Variants in SBF2 observed in about 807,000 individuals in gnomAD.
SBF2 encodes the protein SET binding factor 2.
A neutral mutation model predicts 225.2 loss-of-function variants in SBF2; 112 were observed. The observed-to-expected ratio is 0.50, with a 90% CI of 0.43 to 0.58. SBF2 has a LOEUF of 0.58. Ranked by LOEUF, SBF2 falls within the 20% of genes least tolerant of loss-of-function variation. SBF2 has a pLI of 0.00. For synonymous variants in SBF2, 763 were observed against 773.3 expected (o/e 0.99, Z 0.22); for missense variants, 1,996 against 2,206.2 (o/e 0.90, Z 1.91).
chr11:9,946,267 C>A (rs13377561), intron 16 of SBF2, among the ~76,000 whole-genome samples: 2,621 of 152,190 alleles, frequency 0.017, 59 homozygotes, highest in African/African-American at 0.052. Flanking sequence ...AAAATGAAAT[C>A]ACGTCCTTTG....
At chr11:10,113,146 A>G (rs1952960355) in intron 2 of SBF2, among the ~76,000 whole-genome samples, 1 of 152,080 alleles carries the variant, frequency 6.6e-6, no homozygotes, top group Admixed American at 6.6e-5. Flanking sequence ...GGTGCACACC[A>G]CCACATCTGG....
intron 16 of SBF2, chr11:9,956,471 T>C (rs1454994869): frequency 2.0e-5 from 3 of 152,162 alleles, no homozygotes; most frequent in Non-Finnish European, 4.4e-5. Context: ...CCAGTGAGTG[T>C]AAAAGGCTCT....
intron 2 of SBF2, among the ~76,000 whole-genome samples, chr11:10,084,443 G>A (rs916780384): frequency 2.6e-5 from 4 of 152,094 alleles, no homozygotes; most frequent in African/African-American, 9.7e-5. Context: ...ATGTTGGTGA[G>A]GATACAAAGA....
chr11:9,864,736 T>C (rs1431749174), intron 17 of SBF2, among the ~76,000 whole-genome samples: 1 of 152,134 alleles, frequency 6.6e-6, no homozygotes, highest in African/African-American at 2.4e-5. Context: ...GTGTCTTAAG[T>C]TGTTTAGTAA....
chr11:9,858,454 A>C, intron 17 of SBF2, 58 bp from the exon 18 acceptor site: 2 of 1,532,664 alleles, frequency 1.3e-6, no homozygotes, highest in Non-Finnish European at 1.8e-6. Context: ...ACAGTTCATA[A>C]GGTCACAGGG....
intron 2 of SBF2, among the ~76,000 whole-genome samples, chr11:10,082,655 T>C (rs796674805): frequency 2.0e-5 from 3 of 152,164 alleles, no homozygotes; most frequent in African/African-American, 7.2e-5. Context: ...TCTCAACAGA[T>C]GCAAAAAATC....
chr11:10,225,313 T>C (rs1958497008), intron 1 of SBF2, among the ~76,000 whole-genome samples: 2 of 151,724 alleles, frequency 1.3e-5, no homozygotes, highest in Non-Finnish European at 2.9e-5. Flanking sequence ...CACTTCTTCT[T>C]TAAAAAAAAA....
At chr11:10,149,035 C>T (rs1018791635) in intron 2 of SBF2, among the ~76,000 whole-genome samples, 15 of 152,188 alleles carry the variant, frequency 9.9e-5, no homozygotes, top group African/African-American at 3.6e-4. Flanking sequence ...CTTCTAAGGC[C>T]AAGTTCCAAG....
intron 2 of SBF2, among the ~76,000 whole-genome samples, chr11:10,053,077 G>A (rs1161956957): frequency 6.6e-6 from 1 of 151,878 alleles, no homozygotes; most frequent in Non-Finnish European, 1.5e-5. Context: ...TATGAATCCT[G>A]TTTTTCTCCC....
At chr11:9,937,174 G>C (rs1319839490) in intron 16 of SBF2, among the ~76,000 whole-genome samples, 2 of 152,172 alleles carry the variant, frequency 1.3e-5, no homozygotes, top group Non-Finnish European at 2.9e-5. Context: ...AAAAGGGTTT[G>C]ACACATATTC....
intron 2 of SBF2, among the ~76,000 whole-genome samples, chr11:10,063,041 C>G (rs1381993851): frequency 6.6e-6 from 1 of 152,088 alleles, no homozygotes; most frequent in Non-Finnish European, 1.5e-5. Flanking sequence ...TTTGCCGGAC[C>G]ATGGATGGAG....
intron 2 of SBF2, among the ~76,000 whole-genome samples, chr11:10,108,165 C>A (rs932802974): frequency 6.6e-6 from 1 of 152,010 alleles, no homozygotes; most frequent in East Asian, 1.9e-4. Context: ...AATTCAAACA[C>A]GATAGAACAA....
intron 13 of SBF2, among the ~76,000 whole-genome samples, chr11:9,979,748 A>G (rs1386645865): frequency 1.3e-5 from 2 of 152,158 alleles, no homozygotes; most frequent in Non-Finnish European, 2.9e-5. Context: ...CTAATAATCT[A>G]CAAGTAACAG....
intron 28 of SBF2, among the ~76,000 whole-genome samples, chr11:9,827,418 C>T (rs1855134192): frequency 6.6e-6 from 1 of 151,936 alleles, no homozygotes; most frequent in Admixed American, 6.6e-5. Context: ...AGTCTTAGCT[C>T]CTTGGGAGCT....
intron 3 of SBF2, among the ~76,000 whole-genome samples, chr11:10,041,401 G>T (rs765293203): frequency 6.6e-6 from 1 of 152,096 alleles, no homozygotes; most frequent in Non-Finnish European, 1.5e-5. Context: ...TCAAATAGAA[G>T]CAACAGGCTA....
intron 25 of SBF2, among the ~76,000 whole-genome samples, chr11:9,840,809 G>A (rs770702630): frequency 1.8e-4 from 27 of 152,112 alleles, no homozygotes; most frequent in Non-Finnish European, 3.5e-4. Context: ...AGGATGTGGT[G>A]TACGTGGGAA....
chr11:10,001,833 T>A (rs531654848), intron 7 of SBF2, among the ~76,000 whole-genome samples: 149 of 152,234 alleles, frequency 9.8e-4, no homozygotes, highest in African/African-American at 3.1e-3. Context: ...GCCAAAAAAA[T>A]TTTTTTAAAG....
chr11:10,041,047 T>C (rs768360421), intron 3 of SBF2, among the ~76,000 whole-genome samples: 1 of 152,016 alleles, frequency 6.6e-6, no homozygotes, highest in Non-Finnish European at 1.5e-5. Flanking sequence ...GGGTGAATAG[T>C]GAAGAGGGAG....
chr11:10,098,074 C>T (rs1952106321), intron 2 of SBF2, among the ~76,000 whole-genome samples: 1 of 152,092 alleles, frequency 6.6e-6, no homozygotes, highest in Non-Finnish European at 1.5e-5. Flanking sequence ...ACCTATGGTC[C>T]CATCTGCCAA....
Sources: gnomAD v4.1 joint callset for allele counts (sites outside exome capture counted in the v4.1 genomes callset) on GRCh38, gnomAD v4.1.1 for gene constraint, MANE v1.5 for transcripts, NCBI Gene and HGNC (gene_info 2026-07-23, HGNC 2026-07-21) for gene names.